Variants in RGS18 observed in about 807,000 individuals in gnomAD.
RGS18 encodes the protein regulator of G protein signaling 18, also known as regulator of G-protein signaling 18.
A neutral mutation model predicts 27.6 loss-of-function variants in RGS18; 22 were observed. The ratio of observed to expected loss-of-function variants is 0.80; its 90% CI spans 0.57 to 1.14. The LOEUF is 1.14. RGS18 is among the 50% of genes most tolerant of loss of function. The probability of loss-of-function intolerance (pLI) is 0.00; values close to 1 mark genes in which losing one functional copy is unlikely to be tolerated. For synonymous variants in RGS18, 89 were observed against 84.6 expected, an observed-to-expected ratio of 1.05 and a Z score of -0.29; for missense variants, 299 against 269.6, an observed-to-expected ratio of 1.11 and a Z score of -0.76.
intron 3 of RGS18, among the ~76,000 whole-genome samples, chr1:192,165,561 G>A (rs1308968633): frequency 6.6e-6 from 1 of 152,102 alleles, no homozygotes; most frequent in African/African-American, 2.4e-5. Flanking sequence ...TGGACACCCA[G>A]CTTTAAAATT....
At chr1:192,179,056 G>A (rs1571393517) in intron 3 of RGS18, among the ~76,000 whole-genome samples, 1 of 151,544 alleles carries the variant, frequency 6.6e-6, no homozygotes, top group East Asian at 2.0e-4. Context: ...CACATTTAAT[G>A]GGGAAGAGAG....
At chr1:192,183,368 T>C (rs1484314199) in intron 4 of RGS18, among the ~76,000 whole-genome samples, 1 of 151,638 alleles carries the variant, frequency 6.6e-6, no homozygotes, top group Non-Finnish European at 1.5e-5. Context: ...AGCACTGGAA[T>C]AAAGAGAAGC....
At chr1:192,167,583 C>G (rs1258814311) in intron 3 of RGS18, among the ~76,000 whole-genome samples, 2 of 152,020 alleles carry the variant, frequency 1.3e-5, no homozygotes, top group Non-Finnish European at 2.9e-5. Context: ...CCACACCCAG[C>G]TGATTTTTTG....
intron 3 of RGS18, 82 bp downstream of exon 3, chr1:192,160,521 G>T: frequency 1.0e-6 from 1 of 990,524 alleles, no homozygotes; most frequent in Admixed American, 2.0e-5. Flanking sequence ...GAAACAATAG[G>T]TCACAAAATT....
Position 192,184,375 on chromosome 1 carries a change from C to A in RGS18, c.529C>A (p.Gln177Lys). The change falls in exon 5 of 5, where the codon CAA becomes AAA. Residue 177 changes from glutamine to lysine, a missense_variant. Transcript: ENST00000367460. ...TACCCTCCACAGTTTTGATGCTGCACAAAGCAGAGTGTATCAGCTCATGGA... is the reference window on the plus strand; with the variant it reads ...TACCCTCCACAGTTTTGATGCTGCAAAAAGCAGAGTGTATCAGCTCATGGA... ...QPTLHSFDAA[Q>K]SRVYQLMEQD... The A allele has an allele frequency of 1.2e-6, 2 of 1,611,758 alleles. No homozygotes were observed. Among genetic ancestry groups the A allele is most frequent in the Non-Finnish European group, 1.7e-6 (2 of 1,178,558 alleles).
At chr1:192,162,207 C>T (rs998124751) in intron 3 of RGS18, among the ~76,000 whole-genome samples, 1 of 152,188 alleles carries the variant, frequency 6.6e-6, no homozygotes, top group Non-Finnish European at 1.5e-5. Context: ...TCCTCAACTA[C>T]TGTACTCACT....
rs201513735 is a variant in RGS18 at position 192,163,870 on chromosome 1, T to TATA, written c.283+3431_283+3432insATA. On this transcript the variant is annotated intron_variant, in intron 3 of 4. Coordinates refer to ENST00000367460, the MANE Select transcript of RGS18 (RefSeq NM_130782.3). ...GTGTGTGTGTGAATATATATATATA[T>TATA]TTTTTTTTTTTCTTTTTTTTAAAGA... Among the ~76,000 whole-genome samples, 197 of 70,358 alleles carry TATA rather than the reference T, an allele frequency of 2.8e-3. 1 individual carries two copies. The highest frequency in any genetic ancestry group is 6.9e-3 in the African/African-American group (172 of 24,774). 46.2% of individuals were successfully genotyped at this position (70,358 alleles called of 152,430 possible). A position where few individuals can be genotyped will look rare whatever the true frequency, so the allele number is the denominator to read the frequency against.
intron 3 of RGS18, among the ~76,000 whole-genome samples, chr1:192,162,263 GTTTGT>G: frequency 6.6e-6 from 1 of 151,894 alleles, no homozygotes; most frequent in East Asian, 1.9e-4. Flanking sequence ...GCTGTTTTTT[GTTTGT>G]TTTCTTTTTT....
intron 1 of RGS18, 116 bp from the exon 2 acceptor site, chr1:192,159,104 G>A: frequency 1.5e-6 from 1 of 661,734 alleles, no homozygotes. Context: ...GGATTCATGA[G>A]TGTGTGGGTA....
chr1:192,184,265 A>G, intron 4 of RGS18, 32 bp from the exon 5 acceptor site: 1 of 1,590,112 alleles, frequency 6.3e-7, no homozygotes, highest in Non-Finnish European at 8.6e-7. Flanking sequence ...AAGCATATTA[A>G]CTATAATCAC....
At chr1:192,160,035 C>T (rs1656043003) in intron 2 of RGS18, among the ~76,000 whole-genome samples, 1 of 151,336 alleles carries the variant, frequency 6.6e-6, no homozygotes, top group African/African-American at 2.4e-5. Context: ...TAGTTTTTTT[C>T]TACTTGCTGA....
At chr1:192,180,663 A>G (rs1435969175) in intron 3 of RGS18, among the ~76,000 whole-genome samples, 1 of 151,682 alleles carries the variant, frequency 6.6e-6, no homozygotes, top group Non-Finnish European at 1.5e-5. Context: ...TTTCCACTCT[A>G]TAAACATGAC....
At chr1:192,180,540 C>T in intron 3 of RGS18, among the ~76,000 whole-genome samples, 1 of 151,548 alleles carries the variant, frequency 6.6e-6, no homozygotes, top group Non-Finnish European at 1.5e-5. Context: ...TGCTTAGGAG[C>T]TATAGAAACT....
rs150205219 is a variant in RGS18, at chr1:192,160,733, C to T, written c.283+294C>T. The T allele has an allele frequency of 3.8e-4, 128 of 335,310 alleles. 1 individual carries two copies. The highest frequency in any genetic ancestry group is 2.6e-3 in the African/African-American group (126 of 47,710). The allele number at this position is 335,310 out of a possible 1,614,324, so 20.8% of individuals were successfully genotyped here. On this transcript the variant is annotated intron_variant, in intron 3 of 4. Coordinates refer to ENST00000367460, the MANE Select transcript of RGS18 (RefSeq NM_130782.3). Reference sequence around the variant, plus strand: ...TTTTGAATGAAATCTTCGGTTTTATCAAATTCATGATTAACGAACTATTCA... The same window carrying T: ...TTTTGAATGAAATCTTCGGTTTTATTAAATTCATGATTAACGAACTATTCA...
At chr1:192,183,205 A>G (rs139519193) in intron 4 of RGS18, among the ~76,000 whole-genome samples, 162 of 151,714 alleles carry the variant, frequency 1.1e-3, no homozygotes, top group African/African-American at 3.7e-3. Context: ...GACAAGGGGA[A>G]AGAAAGCCCC....
At chr1:192,181,018 C>T (rs1459283563) in intron 3 of RGS18, among the ~76,000 whole-genome samples, 1 of 151,522 alleles carries the variant, frequency 6.6e-6, no homozygotes, top group Non-Finnish European at 1.5e-5. Context: ...TGAGGTCCAC[C>T]GTAGGGGGTC....
intron 3 of RGS18, among the ~76,000 whole-genome samples, chr1:192,171,969 A>G (rs146931804): frequency 6.6e-6 from 1 of 152,200 alleles, no homozygotes; most frequent in East Asian, 1.9e-4. Context: ...ATAAATCAAG[A>G]TGTCAGCAGG....
chr1:192,178,279 A>G (rs763005690), intron 3 of RGS18, among the ~76,000 whole-genome samples: 3 of 151,704 alleles, frequency 2.0e-5, no homozygotes, highest in Non-Finnish European at 4.4e-5. Flanking sequence ...TGTACCATTC[A>G]TATGACTAAT....
At chr1:192,181,251 T>A (rs1414298120) in intron 3 of RGS18, 41 bp from the exon 4 acceptor site, 2 of 1,134,132 alleles carry the variant, frequency 1.8e-6, no homozygotes, top group South Asian at 3.3e-5. Flanking sequence ...GTTTCCAACA[T>A]TAATACCATT....
Sources: allele counts gnomAD v4.1 joint callset (sites outside exome capture counted in the v4.1 genomes callset), GRCh38; gene constraint gnomAD v4.1.1; transcripts MANE v1.5; gene names NCBI Gene and HGNC (gene_info 2026-07-23, HGNC 2026-07-21).